Variants in CTNNA2 observed in about 807,000 individuals in gnomAD.
The protein encoded by CTNNA2 is catenin alpha 2, also known as catenin alpha-2.
CTNNA2 carries 42 observed loss-of-function variants against 101.0 expected under a neutral mutation model. The observed-to-expected ratio is 0.42, with a 90% confidence interval of 0.32 to 0.54. The LOEUF (loss-of-function observed/expected upper bound fraction) is 0.54. CTNNA2 is among the 20% of genes least tolerant of loss of function. The pLI is 0.14. For synonymous variants in CTNNA2, 450 were observed against 456.4 expected, an observed-to-expected ratio of 0.99 and a Z score of 0.18; for missense variants, 871 against 1,223.1, an observed-to-expected ratio of 0.71 and a Z score of 4.29.
chr2:79,807,451 T>A (rs1397966598), intron 3 of CTNNA2, among the ~76,000 whole-genome samples: 1 of 152,178 alleles, frequency 6.6e-6, no homozygotes, highest in Non-Finnish European at 1.5e-5. Flanking sequence ...TTCTGCATCT[T>A]AATTTTAAGC....
chr2:80,512,816 T>C (rs938768474), intron 9 of CTNNA2, among the ~76,000 whole-genome samples: 3 of 152,156 alleles, frequency 2.0e-5, no homozygotes, highest in Non-Finnish European at 4.4e-5. Flanking sequence ...ACCTCTTATA[T>C]ATAATGTTAA....
At chr2:80,007,443 C>A (rs1474871359) in intron 7 of CTNNA2, among the ~76,000 whole-genome samples, 1 of 152,074 alleles carries the variant, frequency 6.6e-6, no homozygotes, top group African/African-American at 2.4e-5. Flanking sequence ...TGATTAGTAG[C>A]AACTACTACT....
intron 7 of CTNNA2, among the ~76,000 whole-genome samples, chr2:80,389,949 CAG>C (rs1350013431): frequency 1.3e-5 from 2 of 152,120 alleles, no homozygotes; most frequent in Non-Finnish European, 2.9e-5. Context: ...TTAATGTTAC[CAG>C]AGATTCTCTG....
intron 3 of CTNNA2, among the ~76,000 whole-genome samples, chr2:79,328,148 G>T (rs1006939054): frequency 3.3e-5 from 5 of 152,156 alleles, no homozygotes; most frequent in East Asian, 1.9e-4. Context: ...GGCCTTAAAA[G>T]ATCCCTCATT....
chr2:79,902,814 G>A (rs1685152813), intron 6 of CTNNA2, among the ~76,000 whole-genome samples: 1 of 151,688 alleles, frequency 6.6e-6, no homozygotes, highest in Non-Finnish European at 1.5e-5. Flanking sequence ...TTTAGTAGAG[G>A]CGGGGTTTCA....
At chr2:79,190,710 A>C (rs940586865) in intron 1 of CTNNA2, among the ~76,000 whole-genome samples, 3 of 152,174 alleles carry the variant, frequency 2.0e-5, no homozygotes, top group African/African-American at 7.2e-5. Context: ...CAGTGAGAGG[A>C]CACAGAGAGC....
chr2:79,250,556 T>C (rs1359429974), intron 2 of CTNNA2, among the ~76,000 whole-genome samples: 1 of 152,190 alleles, frequency 6.6e-6, no homozygotes, highest in Non-Finnish European at 1.5e-5. Context: ...CCTTTACCCT[T>C]GAGCGAGACA....
chr2:80,151,144 T>G (rs1436634253), intron 7 of CTNNA2, among the ~76,000 whole-genome samples: 1 of 152,258 alleles, frequency 6.6e-6, no homozygotes, highest in Admixed American at 6.5e-5. Context: ...TCCCAGGCTC[T>G]GTGCCTTCAA....
intron 4 of CTNNA2, among the ~76,000 whole-genome samples, chr2:79,867,945 A>G (rs1291453721): frequency 6.6e-6 from 1 of 152,240 alleles, no homozygotes; most frequent in Non-Finnish European, 1.5e-5. Context: ...TAAGATGATT[A>G]TAAATCTATT....
At chr2:80,555,085 C>T (rs1035411109) in intron 11 of CTNNA2, among the ~76,000 whole-genome samples, 2 of 152,110 alleles carry the variant, frequency 1.3e-5, no homozygotes, top group Non-Finnish European at 2.9e-5. Context: ...GGAAACTGAT[C>T]GTCTTCACCT....
At chr2:80,160,757 T>C (rs2148944343) in intron 7 of CTNNA2, among the ~76,000 whole-genome samples, 1 of 152,318 alleles carries the variant, frequency 6.6e-6, no homozygotes. Flanking sequence ...TTGCTATGCC[T>C]TTTATTTCCT....
At chr2:80,412,805 C>T (rs369206642) in intron 8 of CTNNA2, among the ~76,000 whole-genome samples, 2 of 152,160 alleles carry the variant, frequency 1.3e-5, no homozygotes, top group South Asian at 4.2e-4. Context: ...TCAATAGGTT[C>T]GTCACCCTTT....
At chr2:80,544,147 C>T (rs1329223283) in intron 9 of CTNNA2, among the ~76,000 whole-genome samples, 2 of 151,982 alleles carry the variant, frequency 1.3e-5, no homozygotes, top group Non-Finnish European at 2.9e-5. Flanking sequence ...GCATAGTGTT[C>T]CTAAAAATCA....
At chr2:80,170,311 G>A (rs757417882) in intron 7 of CTNNA2, among the ~76,000 whole-genome samples, 1 of 151,822 alleles carries the variant, frequency 6.6e-6, no homozygotes, top group Non-Finnish European at 1.5e-5. Flanking sequence ...ACTATCAGGA[G>A]GCCAAGCACT....
intron 18 of CTNNA2, among the ~76,000 whole-genome samples, chr2:80,636,927 G>A (rs1030905016): frequency 6.6e-6 from 1 of 152,134 alleles, no homozygotes; most frequent in African/African-American, 2.4e-5. Context: ...AAAGGATTCA[G>A]TAGTGCTAGA....
intron 4 of CTNNA2, among the ~76,000 whole-genome samples, chr2:79,504,498 C>T (rs1311958740): frequency 6.6e-6 from 1 of 152,074 alleles, no homozygotes; most frequent in African/African-American, 2.4e-5. Context: ...CCATATTGAC[C>T]AGGCTGGTCT....
chr2:80,529,240 T>C (rs1295339518), intron 9 of CTNNA2, among the ~76,000 whole-genome samples: 1 of 152,234 alleles, frequency 6.6e-6, no homozygotes, highest in South Asian at 2.1e-4. Context: ...TTTTTCTGTA[T>C]GTAGGTGTTT....
intron 9 of CTNNA2, among the ~76,000 whole-genome samples, chr2:80,452,275 G>A (rs1396171737): frequency 6.7e-6 from 1 of 150,186 alleles, no homozygotes; most frequent in Non-Finnish European, 1.5e-5. Context: ...GTGGATCTCA[G>A]TTCATCCATC....
chr2:80,406,826 CAAAAAA>C (rs56793591), intron 8 of CTNNA2, among the ~76,000 whole-genome samples: 5,059 of 64,018 alleles, frequency 0.079, 318 homozygotes, highest in African/African-American at 0.2. Flanking sequence ...GACTCCATCT[CAAAAAA>C]AAAAAAAAAA....
Sources: gnomAD v4.1 joint callset for allele counts (sites outside exome capture counted in the v4.1 genomes callset) on GRCh38, gnomAD v4.1.1 for gene constraint, MANE v1.5 for transcripts, NCBI Gene and HGNC (gene_info 2026-07-23, HGNC 2026-07-21) for gene names.